COL23A1: variants seen among roughly 807,000 people sequenced by gnomAD.
COL23A1 encodes collagen type XXIII alpha 1 chain.
Under a neutral mutation model 99.3 loss-of-function variants are expected in COL23A1, and 97 were observed. The observed-to-expected ratio is 0.98, with a 90% CI of 0.83 to 1.16. COL23A1 has a LOEUF of 1.16. Among genes scored for constraint, COL23A1 ranks in the 50% most tolerant of loss-of-function variants. The probability of loss-of-function intolerance (pLI) is 0.00; values close to 1 mark genes in which losing one functional copy is unlikely to be tolerated. For synonymous variants in COL23A1, 320 were observed against 308.2 expected (o/e 1.04, Z -0.40); for missense variants, 762 against 757.4 (o/e 1.01, Z -0.07).
intron 2 of COL23A1, among the ~76,000 whole-genome samples, chr5:178,485,388 T>C (rs559614308): frequency 1.3e-4 from 20 of 151,292 alleles, no homozygotes; most frequent in Non-Finnish European, 2.2e-4. Context: ...GGTGGGAGGA[T>C]TGTTTGAGCC....
At chr5:178,485,571 G>A (rs986584199) in intron 2 of COL23A1, among the ~76,000 whole-genome samples, 10 of 152,068 alleles carry the variant, frequency 6.6e-5, no homozygotes, top group East Asian at 3.9e-4. Context: ...TCAGGAGTTC[G>A]AGACCAGCCT....
At chr5:178,291,011 G>T (rs933630188) in intron 3 of COL23A1, among the ~76,000 whole-genome samples, 1 of 152,220 alleles carries the variant, frequency 6.6e-6, no homozygotes, top group Non-Finnish European at 1.5e-5. Flanking sequence ...ACCATCTTTT[G>T]TGAGAGGTCT....
intron 2 of COL23A1, among the ~76,000 whole-genome samples, chr5:178,323,556 AGG>A (rs1264429248): frequency 6.6e-6 from 1 of 152,044 alleles, no homozygotes; most frequent in Non-Finnish European, 1.5e-5. Context: ...GGAGAGGCTA[AGG>A]GGGATCTGCT....
At chr5:178,338,421 G>A (rs1049496386) in intron 2 of COL23A1, among the ~76,000 whole-genome samples, 8 of 152,222 alleles carry the variant, frequency 5.3e-5, no homozygotes, top group East Asian at 1.9e-4. Context: ...AGCAAGGACT[G>A]CCTTCCCGCA....
chr5:178,324,478 C>T (rs1422272876), intron 2 of COL23A1, among the ~76,000 whole-genome samples: 1 of 152,150 alleles, frequency 6.6e-6, no homozygotes, highest in African/African-American at 2.4e-5. Flanking sequence ...ATTTCTACTA[C>T]AATGACCACG....
intron 4 of COL23A1, among the ~76,000 whole-genome samples, chr5:178,288,797 G>A (rs1279284228): frequency 2.8e-5 from 3 of 105,798 alleles, no homozygotes; most frequent in Non-Finnish European, 4.4e-5. Flanking sequence ...CAGGAATATC[G>A]GGGGGCGTTC....
chr5:178,476,900 TGA>T (rs1413990868), intron 2 of COL23A1, among the ~76,000 whole-genome samples: 2 of 152,228 alleles, frequency 1.3e-5, no homozygotes, highest in Admixed American at 1.3e-4. Flanking sequence ...ACTACTTCTC[TGA>T]GATTCCAAAT....
chr5:178,308,829 G>T lies in COL23A1; in HGVS notation c.362-1910C>A, dbSNP rs1013597357. Among the ~76,000 whole-genome samples, 1 of 16,192 alleles carries T rather than the reference G, an allele frequency of 6.2e-5. No individual in the cohort carries two copies. Among genetic ancestry groups the T allele is most frequent in the African/African-American group, 2.4e-4 (1 of 4,152 alleles). 10.6% of individuals were successfully genotyped at this position (16,192 alleles called of 152,430 possible). ...TTTGGGGGGCAGGTCAGCACTCTCG[G>T]GGGGGGCTTTCCTCCTCTCTGGGCC... On this transcript the variant is annotated intron_variant, in intron 2 of 28. Coordinates refer to ENST00000390654, the MANE Select transcript of COL23A1 (RefSeq NM_173465.4). The surrounding 1 kb of genome is among the most constrained non-coding windows in gnomAD (Gnocchi z 5.1).
intron 2 of COL23A1, among the ~76,000 whole-genome samples, chr5:178,525,990 T>C (rs1460550943): frequency 6.7e-6 from 1 of 149,828 alleles, no homozygotes. Flanking sequence ...AACTTGAAGA[T>C]GGTAACAGCT....
rs558555030 is a variant in COL23A1 at position 178,354,796 on chromosome 5, C to T, written c.362-47877G>A. Among the ~76,000 whole-genome samples, 5 of 152,198 alleles carry T rather than the reference C, an allele frequency of 3.3e-5. No homozygotes were observed. The South Asian group carries it at 6.2e-4, about 19-fold the overall frequency. ...TTTAGGTTGGGTGTGGTGGCTCATG[C>T]CTGTAATCCTAGCACTTTGGGAGGC... On this transcript the variant is annotated intron_variant, in intron 2 of 28. Coordinates refer to ENST00000390654, the MANE Select transcript of COL23A1 (RefSeq NM_173465.4).
intron 1 of COL23A1, among the ~76,000 whole-genome samples, chr5:178,580,076 C>T (rs1763582927): frequency 6.6e-6 from 1 of 152,098 alleles, no homozygotes; most frequent in South Asian, 2.1e-4. Context: ...ACCTGTAATC[C>T]CAGCACTTTG....
chr5:178,455,685 G>T (rs535012663), intron 2 of COL23A1, among the ~76,000 whole-genome samples: 1 of 151,992 alleles, frequency 6.6e-6, no homozygotes, highest in Non-Finnish European at 1.5e-5. Context: ...CCACGCGGAC[G>T]GACCGCACCT....
chr5:178,527,591 G>A (rs942222312), intron 2 of COL23A1, among the ~76,000 whole-genome samples: 8 of 152,196 alleles, frequency 5.3e-5, no homozygotes, highest in Non-Finnish European at 7.3e-5. Context: ...CTCATGACTC[G>A]GTTACCAACG....
chr5:178,491,955 G>T (rs1757957341), intron 2 of COL23A1, among the ~76,000 whole-genome samples: 1 of 152,062 alleles, frequency 6.6e-6, no homozygotes, highest in African/African-American at 2.4e-5. Context: ...GGCTGGTCTT[G>T]AACTCCTGAC....
rs1209938521 is a variant in COL23A1 at position 178,578,106 on chromosome 5, CATGCACACATTCAT to C, written c.294+11784_294+11797del. Among the ~76,000 whole-genome samples, 215 of 149,332 alleles carry C rather than the reference CATGCACACATTCAT, an allele frequency of 1.4e-3. 1 individual carries two copies. Among genetic ancestry groups the C allele is most frequent in the African/African-American group, 5.2e-3 (205 of 39,444 alleles). ...ACACACACATGCATGCACACGCCCA[CATGCACACATTCAT>C]GCACACACACACATGCATGCACACA... On this transcript the variant is annotated intron_variant, in intron 1 of 28. Coordinates refer to ENST00000390654, the MANE Select transcript of COL23A1 (RefSeq NM_173465.4).
chr5:178,583,333 G>A (rs944458170), intron 1 of COL23A1, among the ~76,000 whole-genome samples: 3 of 152,216 alleles, frequency 2.0e-5, no homozygotes, highest in African/African-American at 7.2e-5. Flanking sequence ...TAGAGCCCAA[G>A]CTTCTCACCC....
chr5:178,279,672 C>A (rs957521165), intron 5 of COL23A1, among the ~76,000 whole-genome samples: 2 of 152,214 alleles, frequency 1.3e-5, no homozygotes. Flanking sequence ...GCCAATTCCT[C>A]AAGGCTGGGT....
At chr5:178,547,625 CA>C (rs1296088793) in intron 2 of COL23A1, among the ~76,000 whole-genome samples, 1 of 5,530 alleles carries the variant, frequency 1.8e-4, no homozygotes, top group African/African-American at 4.7e-4. Flanking sequence ...CACACACACC[CA>C]CCCACACCCC....
intron 12 of COL23A1, among the ~76,000 whole-genome samples, chr5:178,258,549 C>A (rs1765457695): frequency 6.6e-6 from 1 of 151,658 alleles, no homozygotes; most frequent in Non-Finnish European, 1.5e-5. Context: ...GCGCCCGCCA[C>A]CACGCCCGGC....
Sources: allele counts gnomAD v4.1 joint callset (sites outside exome capture counted in the v4.1 genomes callset), GRCh38; gene constraint gnomAD v4.1.1; non-coding constraint Gnocchi (gnomAD v3.1); transcripts MANE v1.5; gene names NCBI Gene and HGNC (gene_info 2026-07-23, HGNC 2026-07-21).